Variants in STARD10 observed in about 807,000 individuals in gnomAD.
STARD10 encodes StAR related lipid transfer domain containing 10, also known as START domain-containing protein 10.
STARD10 carries 24 observed loss-of-function variants against 36.0 expected under a neutral mutation model. The observed-to-expected ratio is 0.67, with a 90% CI of 0.48 to 0.94. The LOEUF (loss-of-function observed/expected upper bound fraction) is 0.94, where lower values mean the gene tolerates loss of function less well. Among genes scored for constraint, STARD10 ranks in the 40% least tolerant of loss-of-function variants. The pLI, the probability that STARD10 is intolerant of heterozygous loss-of-function variation, is 0.00. For synonymous variants in STARD10, 156 were observed against 161.9 expected, an observed-to-expected ratio of 0.96 and a Z score of 0.28; for missense variants, 335 against 396.6, an observed-to-expected ratio of 0.84 and a Z score of 1.32.
intron 2 of STARD10, among the ~76,000 whole-genome samples, chr11:72,760,233 A>G (rs1858698408): frequency 2.2e-5 from 3 of 136,074 alleles, no homozygotes; most frequent in Non-Finnish European, 4.8e-5. Flanking sequence ...TCATTCATTC[A>G]TTCATTTATT....
At chr11:72,764,752 G>A (rs965287415) in intron 2 of STARD10, among the ~76,000 whole-genome samples, 1 of 152,196 alleles carries the variant, frequency 6.6e-6, no homozygotes, top group African/African-American at 2.4e-5. Context: ...TGGGCGGGCC[G>A]GTACCAGGAA....
intron 2 of STARD10, among the ~76,000 whole-genome samples, chr11:72,779,068 G>A (rs1404839501): frequency 1.3e-5 from 2 of 152,188 alleles, no homozygotes; most frequent in African/African-American, 4.8e-5. Context: ...CCAGATGGAG[G>A]AGGTAGCTCC....
chr11:72,777,435 G>A (rs937976703), intron 2 of STARD10, among the ~76,000 whole-genome samples: 13 of 150,830 alleles, frequency 8.6e-5, no homozygotes, highest in African/African-American at 2.7e-4. Context: ...AGCTGGCCCT[G>A]GTTGAATGAC....
chr11:72,793,191 CCT>C lies in STARD10; in HGVS notation c.-432_-431del, dbSNP rs1859171381. The stretch of plus-strand genomic sequence containing the variant: ...CTGAGACCTGGGGCAAGCCCCTGTC[CCT>C]CTTTGGGCCCTCAGGTTTGCAATTT... On this transcript the variant is annotated 5_prime_UTR_variant, in exon 1 of 7. Coordinates refer to ENST00000334805, the MANE Select transcript of STARD10 (RefSeq NM_006645.3). 1 of 152,236 alleles carries C rather than the reference CCT, an allele frequency of 6.6e-6. No individual in the cohort carries two copies. The highest frequency in any genetic ancestry group is 1.5e-5 in the Non-Finnish European group (1 of 68,056). The allele number at this position is 152,236 out of a possible 1,614,324, so 9.4% of individuals were successfully genotyped here. A position where few individuals can be genotyped will look rare whatever the true frequency, so the allele number is the denominator to read the frequency against.
At chr11:72,775,306 C>G (rs1251787590) in intron 2 of STARD10, among the ~76,000 whole-genome samples, 2 of 152,186 alleles carry the variant, frequency 1.3e-5, no homozygotes, top group Non-Finnish European at 2.9e-5. Context: ...GCACCTCTGC[C>G]CAGACAAATA....
At chr11:72,758,901 T>C (rs1015748148) in intron 3 of STARD10, among the ~76,000 whole-genome samples, 55 of 152,242 alleles carry the variant, frequency 3.6e-4, no homozygotes, top group Non-Finnish European at 1.5e-4. Flanking sequence ...TACGTGAACG[T>C]GAGTGTACAA....
In STARD10 at chr11:72,793,764, C is replaced by G. The variant is rs1354504958; in HGVS notation, c.-1003G>C. The G allele has an allele frequency of 2.0e-5, 3 of 152,242 alleles. No homozygotes were observed. The highest frequency in any genetic ancestry group is 4.4e-5 in the Non-Finnish European group (3 of 68,036). 9.4% of individuals were successfully genotyped at this position (152,242 alleles called of 1,614,324 possible). A position where few individuals can be genotyped will look rare whatever the true frequency, so the allele number is the denominator to read the frequency against. On this transcript the variant is annotated 5_prime_UTR_variant, in exon 1 of 7. Coordinates refer to ENST00000334805, the MANE Select transcript of STARD10 (RefSeq NM_006645.3). ...AAGCCCCGCGTTTGCGCGTGCGCTT[C>G]CCGCCCGGGACCGCCCAGAGGTCCC...
chr11:72,759,050 G>C (rs1246611516), intron 3 of STARD10, 184 bp downstream of exon 3: 1 of 646,912 alleles, frequency 1.5e-6, no homozygotes, highest in African/African-American at 1.8e-5. Context: ...GTATTTGTAA[G>C]TGTATGGGTG....
intron 2 of STARD10, among the ~76,000 whole-genome samples, chr11:72,760,295 C>T (rs1354614354): frequency 6.6e-6 from 1 of 151,540 alleles, no homozygotes; most frequent in Non-Finnish European, 1.5e-5. Context: ...GGCGTGATCT[C>T]GGCTCACTGC....
intron 2 of STARD10, among the ~76,000 whole-genome samples, chr11:72,770,645 A>G (rs1308513223): frequency 6.6e-6 from 1 of 152,198 alleles, no homozygotes; most frequent in African/African-American, 2.4e-5. Context: ...TAACCTGGGA[A>G]CACTCTGCGT....
At chr11:72,777,749 C>T (rs1372956334) in intron 2 of STARD10, among the ~76,000 whole-genome samples, 1 of 152,226 alleles carries the variant, frequency 6.6e-6, no homozygotes, top group Admixed American at 6.5e-5. Flanking sequence ...AACTACTGGG[C>T]CTTGAGCCAC....
At chr11:72,786,370 A>G (rs1859071057) in intron 1 of STARD10, among the ~76,000 whole-genome samples, 1 of 151,064 alleles carries the variant, frequency 6.6e-6, no homozygotes, top group South Asian at 2.1e-4. Flanking sequence ...AAAAAAAAGG[A>G]AAAAAAAGGT....
chr11:72,756,589 G>C (rs929240059), intron 5 of STARD10, among the ~76,000 whole-genome samples: 10 of 152,150 alleles, frequency 6.6e-5, no homozygotes, highest in Non-Finnish European at 1.3e-4. Context: ...GGGGCGAGGA[G>C]GGGAGGCTTC....
At chr11:72,755,470 T>C (rs968796588) in intron 6 of STARD10, 4 of 589,980 alleles carry the variant, frequency 6.8e-6, no homozygotes, top group African/African-American at 5.6e-5. Context: ...ACCATCACAC[T>C]CAGCTAATTT....
chr11:72,758,027 T>C, intron 4 of STARD10, 143 bp from the exon 5 acceptor site: 1 of 784,142 alleles, frequency 1.3e-6, no homozygotes, highest in Non-Finnish European at 2.2e-6. Flanking sequence ...GTCCTGATTC[T>C]GGGTGCAGAG....
chr11:72,776,540 C>T (rs780739213), intron 2 of STARD10, among the ~76,000 whole-genome samples: 6 of 152,158 alleles, frequency 3.9e-5, no homozygotes, highest in Admixed American at 1.3e-4. Context: ...TGTTAATAAC[C>T]CAGCCCAAGG....
Position 72,759,262 on chromosome 11 carries a change from T to G in STARD10, c.327A>C (p.Thr109=). Residue 109 remains threonine, a synonymous_variant, in exon 3 of 7, where the codon ACA becomes ACC. Coordinates refer to ENST00000334805, the MANE Select transcript of STARD10 (RefSeq NM_006645.3). ...VIETFDIARL[T]VNADVGYYSW... is the part of the protein sequence containing the mutation. ...AGTAATAGCCCACGTCAGCGTTGACTGTCAAGCGGGCGATGTCAAAAGTCT... is the reference window on the plus strand; with the variant it reads ...AGTAATAGCCCACGTCAGCGTTGACGGTCAAGCGGGCGATGTCAAAAGTCT... The G allele has an allele frequency of 6.2e-7, 1 of 1,614,114 alleles. No homozygotes were observed. Among genetic ancestry groups the G allele is most frequent in the Non-Finnish European group, 8.5e-7 (1 of 1,180,026 alleles).
In STARD10 at chr11:72,781,374, C is replaced by T. The variant is rs949350459; in HGVS notation, c.-113-80G>A. The T allele has an allele frequency of 1.5e-5, 9 of 597,900 alleles. No individual in the cohort carries two copies. Among genetic ancestry groups the T allele is most frequent in the Non-Finnish European group, 2.4e-5 (8 of 336,474 alleles). The allele number at this position is 597,900 out of a possible 1,614,324, so 37.0% of individuals were successfully genotyped here. ...GTTCGGGGTCCTGGCGGGTGGGGAG[C>T]TGGAGAGAGGTAGGGGCTGGCCCCA... On this transcript the variant is annotated intron_variant, in intron 1 of 6. Coordinates refer to ENST00000334805, the MANE Select transcript of STARD10 (RefSeq NM_006645.3). The surrounding 1 kb of genome is among the most constrained non-coding windows in gnomAD (Gnocchi z 4.7).
Position 72,754,844 on chromosome 11 carries a change from C to A in STARD10, c.*53G>T, listed in dbSNP as rs895555436. 142 of 1,561,804 alleles carry A rather than the reference C, an allele frequency of 9.1e-5. No homozygotes were observed. Among genetic ancestry groups the A allele is most frequent in the Non-Finnish European group, 1.2e-4 (136 of 1,161,410 alleles). ...GGAGGGGAGAAAGTGCAGGAGCGGC[C>A]GCCGCCCCAGGGCTCGCCCGGTCCT... On this transcript the variant is annotated 3_prime_UTR_variant, in exon 7 of 7. Coordinates refer to ENST00000334805, the MANE Select transcript of STARD10 (RefSeq NM_006645.3).
Sources: allele counts gnomAD v4.1 joint callset (sites outside exome capture counted in the v4.1 genomes callset), GRCh38; gene constraint gnomAD v4.1.1; non-coding constraint Gnocchi (gnomAD v3.1); transcripts MANE v1.5; gene names NCBI Gene and HGNC (gene_info 2026-07-23, HGNC 2026-07-21).